The following RAB11FIP4 variants were observed in gnomAD, a reference collection of about 807,000 sequenced individuals.
RAB11FIP4 encodes the protein RAB11 family interacting protein 4.
RAB11FIP4 carries 23 observed loss-of-function variants against 74.3 expected under a neutral mutation model. The ratio of observed to expected loss-of-function variants is 0.31; its 90% confidence interval spans 0.22 to 0.44. RAB11FIP4 has a LOEUF of 0.44. Among genes scored for constraint, RAB11FIP4 ranks in the 20% least tolerant of loss-of-function variants. RAB11FIP4 has a pLI of 1.00. For missense variants in RAB11FIP4, 630 were observed against 863.9 expected, an observed-to-expected ratio of 0.73 and a Z score of 3.39; for synonymous variants, 360 against 359.9, an observed-to-expected ratio of 1.00 and a Z score of 0.00.
At chr17:31,531,396 G>A (rs1019217433) in intron 14 of RAB11FIP4, among the ~76,000 whole-genome samples, 3 of 152,174 alleles carry the variant, frequency 2.0e-5, no homozygotes, top group Non-Finnish European at 4.4e-5. Context: ...AATCTCTGGG[G>A]GTGGGGCCTG....
At chr17:31,422,603 C>T (rs1240657836) in intron 1 of RAB11FIP4, among the ~76,000 whole-genome samples, 3 of 152,036 alleles carry the variant, frequency 2.0e-5, no homozygotes, top group Non-Finnish European at 2.9e-5. Flanking sequence ...TTGTCTGAAT[C>T]CTTGGTAATT....
chr17:31,496,603 A>T (rs538609685), intron 3 of RAB11FIP4, among the ~76,000 whole-genome samples: 1 of 152,198 alleles, frequency 6.6e-6, no homozygotes, highest in East Asian at 1.9e-4. Flanking sequence ...TTTTCTTTCA[A>T]ATCTCTCCTC....
chr17:31,528,829 A>C (rs1380161244), intron 13 of RAB11FIP4, 51 bp downstream of exon 13: 1 of 1,563,454 alleles, frequency 6.4e-7, no homozygotes, highest in East Asian at 2.3e-5. Flanking sequence ...CGGGCCCACC[A>C]CGTGGGTTTC....
In RAB11FIP4 at chr17:31,525,519, C is replaced by A. The variant is rs143032706; in HGVS notation, c.1274+289C>A. The A allele has an allele frequency of 8.2e-4, 341 of 415,172 alleles. 7 individuals carry two copies. The East Asian group carries it at 0.012, about 14-fold the overall frequency. 25.7% of individuals were successfully genotyped at this position (415,172 alleles called of 1,614,324 possible). A position where few individuals can be genotyped will look rare whatever the true frequency, so the allele number is the denominator to read the frequency against. Reference sequence around the variant, plus strand: ...CCTGGGCTGGGTCTCACATCCAGGCCTGGAGCGCCCCCTGCTGTCAGGTTC... The same window carrying A: ...CCTGGGCTGGGTCTCACATCCAGGCATGGAGCGCCCCCTGCTGTCAGGTTC... On this transcript the variant is annotated intron_variant, in intron 10 of 14. Coordinates refer to ENST00000621161, the MANE Select transcript of RAB11FIP4 (RefSeq NM_032932.6).
At chr17:31,441,168 G>T (rs960941632) in intron 3 of RAB11FIP4, among the ~76,000 whole-genome samples, 1 of 151,918 alleles carries the variant, frequency 6.6e-6, no homozygotes, top group Admixed American at 6.6e-5. Flanking sequence ...GGGACTACAG[G>T]TGCCCACCAC....
At chr17:31,402,914 C>G (rs144882889) in intron 1 of RAB11FIP4, among the ~76,000 whole-genome samples, 13 of 152,132 alleles carry the variant, frequency 8.5e-5, no homozygotes, top group Non-Finnish European at 1.8e-4. Context: ...CGTGAGCCAC[C>G]GCGCCTGGCC....
intron 3 of RAB11FIP4, among the ~76,000 whole-genome samples, chr17:31,472,864 C>G (rs1358113126): frequency 6.6e-6 from 1 of 151,678 alleles, no homozygotes; most frequent in Non-Finnish European, 1.5e-5. Flanking sequence ...GAAACCCCAT[C>G]TCTACTAAAA....
chr17:31,434,968 T>A (rs2071344572), intron 3 of RAB11FIP4, among the ~76,000 whole-genome samples: 1 of 152,136 alleles, frequency 6.6e-6, no homozygotes, highest in East Asian at 1.9e-4. Flanking sequence ...GGAGGACAGC[T>A]TGAGCCCAGG....
chr17:31,429,179 T>A (rs2151626776), intron 1 of RAB11FIP4, among the ~76,000 whole-genome samples: 1 of 152,204 alleles, frequency 6.6e-6, no homozygotes, highest in East Asian at 1.9e-4. Flanking sequence ...AGGTATACAG[T>A]GGTGATCAGA....
In RAB11FIP4 at chr17:31,445,556, ATATATATATATATATATATATATTT is replaced by A. The variant is rs1409179860; in HGVS notation, c.336+11436_336+11460del. On this transcript the variant is annotated intron_variant, in intron 3 of 14. Transcript: ENST00000621161. ...TTTATATATATATATATATATATATATATATATATATATATATATATATTTTTTTTTTTTTTTTTTTTTTTTTGAC... is the reference window on the plus strand; with the variant it reads ...TTTATATATATATATATATATATATATTTTTTTTTTTTTTTTTTTTTTGAC... Among the ~76,000 whole-genome samples, 63 of 18,936 alleles carry A rather than the reference ATATATATATATATATATATATATTT, an allele frequency of 3.3e-3. 3 individuals are homozygous for A. Among genetic ancestry groups the A allele is most frequent in the African/African-American group, 9.1e-3 (54 of 5,928 alleles). 12.4% of individuals were successfully genotyped at this position (18,936 alleles called of 152,430 possible).
chr17:31,502,760 C>A (rs79456688), intron 3 of RAB11FIP4, among the ~76,000 whole-genome samples: 7,664 of 152,100 alleles, frequency 0.05, 614 homozygotes, highest in African/African-American at 0.17. Context: ...GCTGTCATAG[C>A]AAAGGACCAC....
At chr17:31,470,806 C>T (rs767452465) in intron 3 of RAB11FIP4, among the ~76,000 whole-genome samples, 10 of 152,122 alleles carry the variant, frequency 6.6e-5, no homozygotes, top group Non-Finnish European at 8.8e-5. Flanking sequence ...CTGTAATGAC[C>T]GTCCCCTATA....
intron 11 of RAB11FIP4, 92 bp downstream of exon 11, chr17:31,528,015 C>T: frequency 1.0e-6 from 1 of 975,318 alleles, no homozygotes; most frequent in Non-Finnish European, 1.5e-6. Context: ...TGCCGCACCC[C>T]CTAAGAAATG....
intron 1 of RAB11FIP4, among the ~76,000 whole-genome samples, chr17:31,405,004 G>A (rs1267738596): frequency 6.6e-6 from 1 of 152,032 alleles, no homozygotes. Flanking sequence ...GAGGTGGCAG[G>A]GCTTGATTTT....
At chr17:31,420,054 C>A (rs979628294) in intron 1 of RAB11FIP4, among the ~76,000 whole-genome samples, 2 of 152,106 alleles carry the variant, frequency 1.3e-5, no homozygotes, top group African/African-American at 4.8e-5. Context: ...AAATTAATTT[C>A]TTTAATCACT....
At chr17:31,419,451 T>C (rs1039297321) in intron 1 of RAB11FIP4, among the ~76,000 whole-genome samples, 8 of 152,072 alleles carry the variant, frequency 5.3e-5, no homozygotes, top group African/African-American at 1.7e-4. Context: ...CTTGTCTTGT[T>C]ATATTTTTCA....
Position 31,533,738 on chromosome 17 carries a change from C to T in RAB11FIP4, c.*2006C>T, listed in dbSNP as rs1025557915. The T allele has an allele frequency of 1.3e-5, 2 of 152,242 alleles. No individual in the cohort carries two copies. Among genetic ancestry groups the T allele is most frequent in the Non-Finnish European group, 2.9e-5 (2 of 68,062 alleles). 9.4% of individuals were successfully genotyped at this position (152,242 alleles called of 1,614,324 possible). A position where few individuals can be genotyped will look rare whatever the true frequency, so the allele number is the denominator to read the frequency against. ...ACAACGTGGGAAGGAATCTCTGCCACGGGAAAGGTGGGCGGAAGCAGCTGG... is the reference window on the plus strand; with the variant it reads ...ACAACGTGGGAAGGAATCTCTGCCATGGGAAAGGTGGGCGGAAGCAGCTGG... On this transcript the variant is annotated 3_prime_UTR_variant, in exon 15 of 15. Coordinates refer to ENST00000621161, the MANE Select transcript of RAB11FIP4 (RefSeq NM_032932.6).
intron 13 of RAB11FIP4, 28 bp from the exon 14 acceptor site, chr17:31,530,298 G>A (rs2072845183): frequency 1.2e-6 from 2 of 1,611,526 alleles, no homozygotes; most frequent in South Asian, 2.2e-5. Flanking sequence ...TCTTGGGGTT[G>A]ATGTCGCCTT....
In RAB11FIP4 at chr17:31,428,987, T is replaced by G. The variant is rs898638173; in HGVS notation, c.160-2826T>G. On this transcript the variant is annotated intron_variant, in intron 1 of 14. Coordinates refer to ENST00000621161, the MANE Select transcript of RAB11FIP4 (RefSeq NM_032932.6). Reference sequence around the variant, plus strand: ...TTATGATGATGATGATGATTATTATTATTATTTGAGACGGAGTTTCACTCT... The same window carrying G: ...TTATGATGATGATGATGATTATTATGATTATTTGAGACGGAGTTTCACTCT... 3.4e-4 allele frequency among the ~76,000 whole-genome samples: 51 copies of G among 152,112 alleles called. 1 individual carries two copies. Among genetic ancestry groups the G allele is most frequent in the Non-Finnish European group, 2.2e-4 (15 of 67,996 alleles).
Sources: gnomAD v4.1 joint callset for allele counts (sites outside exome capture counted in the v4.1 genomes callset) on GRCh38, gnomAD v4.1.1 for gene constraint, MANE v1.5 for transcripts, NCBI Gene and HGNC (gene_info 2026-07-23, HGNC 2026-07-21) for gene names.